Variants in MORN1 observed in about 807,000 individuals in gnomAD.
MORN1 encodes MORN repeat containing 1.
Under a neutral mutation model 61.9 loss-of-function variants are expected in MORN1, and 67 were observed. The ratio of observed to expected loss-of-function variants is 1.08; its 90% CI spans 0.89 to 1.33. MORN1 has a LOEUF of 1.33. Among genes scored for constraint, MORN1 ranks in the 40% most tolerant of loss-of-function variants. The pLI, the probability that MORN1 is intolerant of heterozygous loss-of-function variation, is 0.00. For missense variants in MORN1, 752 were observed against 691.2 expected (o/e 1.09, Z -0.99); for synonymous variants, 301 against 292.0 (o/e 1.03, Z -0.31).
At chr1:2,389,641 C>T (rs1413533397) in intron 2 of MORN1, among the ~76,000 whole-genome samples, 2 of 152,206 alleles carry the variant, frequency 1.3e-5, no homozygotes, top group African/African-American at 4.8e-5. Flanking sequence ...AGGAAATAAA[C>T]CATAAAGCCA....
chr1:2,385,469 C>G, intron 5 of MORN1: 1 of 400,522 alleles, frequency 2.5e-6, no homozygotes, highest in South Asian at 3.0e-5. Flanking sequence ...CGGAGAGCAC[C>G]CCCATCCTCA....
chr1:2,350,539 T>G (rs1039063), intron 10 of MORN1: 78,941 of 152,000 alleles, frequency 0.52, 21,219 homozygotes, highest in Admixed American at 0.65. Flanking sequence ...TTTGTGGGGG[T>G]TGAGTGTGAG....
At chr1:2,391,260 G>A (rs1353543234) in intron 1 of MORN1, among the ~76,000 whole-genome samples, 198 bp downstream of exon 1, 2 of 152,176 alleles carry the variant, frequency 1.3e-5, no homozygotes, top group Non-Finnish European at 2.9e-5. Flanking sequence ...GGAGGGCTCG[G>A]GGAAGGGTGC....
At chr1:2,373,842 G>GT (rs1642177048) in intron 7 of MORN1, among the ~76,000 whole-genome samples, 1 of 152,324 alleles carries the variant, frequency 6.6e-6, no homozygotes, top group East Asian at 1.9e-4. Context: ...ACAGGTCTTG[G>GT]TCCCCCAAGG....
At position 2,372,315 on chromosome 1, in the gene MORN1, A is replaced by G. The variant is rs1462105473; in HGVS notation, c.745+166T>C. On this transcript the variant is annotated intron_variant, in intron 8 of 13. Coordinates refer to ENST00000378531, the MANE Select transcript of MORN1 (RefSeq NM_024848.3). The surrounding 1 kb of genome is among the most constrained non-coding windows in gnomAD (Gnocchi z 5.4). ...CACACCCAAGGCTGCCCTGACTGGC[A>G]GGGAAGCTGGCACACCTGCGACCTC... 2.4e-5 allele frequency: 14 copies of G among 595,190 alleles called. No individual in the cohort carries two copies. Among genetic ancestry groups the G allele is most frequent in the Non-Finnish European group, 3.9e-5 (13 of 333,498 alleles). The allele number at this position is 595,190 out of a possible 1,614,324, so 36.9% of individuals were successfully genotyped here.
chr1:2,385,847 G>A lies in MORN1; in HGVS notation c.409C>T (p.His137Tyr), dbSNP rs1465219409. Residue 137 changes from histidine (H) to tyrosine (Y), a missense_variant, in exon 5 of 14, where the codon CAT becomes TAT. Coordinates refer to ENST00000378531, the MANE Select transcript of MORN1 (RefSeq NM_024848.3). ...RDGQVYQGSF[H>Y]DNKRHGPGQM... ...CCAGGGCCGTGCCTCTTGTTGTCAT[G>A]GAAGGAGCCCTGGTACACTTGTCCA... 1 of 1,613,940 alleles carries A rather than the reference G, an allele frequency of 6.2e-7. No homozygotes were observed. Among genetic ancestry groups the A allele is most frequent in the East Asian group, 2.2e-5 (1 of 44,886 alleles).
chr1:2,339,017 G>A (rs1193794203), intron 10 of MORN1, among the ~76,000 whole-genome samples: 1 of 152,198 alleles, frequency 6.6e-6, no homozygotes, highest in Non-Finnish European at 1.5e-5. Context: ...GGTTCCTTGA[G>A]CCTGTGTGGG....
At chr1:2,348,626 C>T (rs1363501078) in intron 10 of MORN1, among the ~76,000 whole-genome samples, 1 of 151,866 alleles carries the variant, frequency 6.6e-6, no homozygotes, top group Non-Finnish European at 1.5e-5. Flanking sequence ...CAGGCACGCA[C>T]GCACACACGC....
chr1:2,372,021 CAT>C lies in MORN1; in HGVS notation c.745+458_745+459del, dbSNP rs961467205. 1.1e-4 allele frequency: 19 copies of C among 176,084 alleles called. No homozygotes were observed. The highest frequency in any genetic ancestry group is 4.9e-4 in the South Asian group (4 of 8,128). The allele number at this position is 176,084 out of a possible 1,614,324, so 10.9% of individuals were successfully genotyped here. On this transcript the variant is annotated intron_variant, in intron 8 of 13. Transcript: ENST00000378531. This position sits in a 1 kb window ranked among gnomAD's most constrained non-coding sequence, Gnocchi z 5.4. ...ACATTCACACAAAAACTTGTATACACATGTCCACAGCAGCACTATTCATAACA... is the reference window on the plus strand; with the variant it reads ...ACATTCACACAAAAACTTGTATACACGTCCACAGCAGCACTATTCATAACA...
intron 8 of MORN1, among the ~76,000 whole-genome samples, 173 bp from the exon 9 acceptor site, chr1:2,358,888 C>T (rs1641834210): frequency 6.6e-6 from 1 of 152,176 alleles, no homozygotes; most frequent in African/African-American, 2.4e-5. Flanking sequence ...GGGCTCTCTG[C>T]TCCTCTCCCA....
At chr1:2,376,976 G>C (rs936883854) in intron 6 of MORN1, 1 of 152,208 alleles carries the variant, frequency 6.6e-6, no homozygotes. Context: ...GACACTGAGA[G>C]TCCTGGAGCA....
chr1:2,354,473 G>A (rs1422310642), intron 10 of MORN1, among the ~76,000 whole-genome samples: 2 of 152,148 alleles, frequency 1.3e-5, no homozygotes, highest in Non-Finnish European at 2.9e-5. Context: ...AGGCTGAGGT[G>A]GGAGGATCAC....
At position 2,336,543 on chromosome 1, in the gene MORN1, T is replaced by C. The variant is rs759667688; in HGVS notation, c.1176A>G (p.Ala392=). 6.2e-7 allele frequency: 1 copy of C among 1,612,740 alleles called. No individual in the cohort carries two copies. Among genetic ancestry groups the C allele is most frequent in the East Asian group, 2.2e-5 (1 of 44,884 alleles). The change falls in exon 12 of 14, where the codon GCA becomes GCG. Residue 392 remains alanine (A), a synonymous_variant. Coordinates refer to ENST00000378531, the MANE Select transcript of MORN1 (RefSeq NM_024848.3). ...GCAGGCCGCCTCTGGATCTGCCGCC[T>C]GCCTTCTAGAAAGATTGGGCAGGAG... ...FLFLDSLHKK[A]GGRSRGGLHP...
intron 6 of MORN1, among the ~76,000 whole-genome samples, chr1:2,382,872 G>A (rs1003454093): frequency 3.9e-5 from 6 of 152,166 alleles, no homozygotes; most frequent in African/African-American, 9.7e-5. Context: ...GGCAGACCCC[G>A]GAGTGGGTAT....
chr1:2,380,137 G>A (rs541884415), intron 6 of MORN1, among the ~76,000 whole-genome samples: 61 of 152,312 alleles, frequency 4.0e-4, no homozygotes, highest in African/African-American at 1.4e-3. Context: ...AACAAGCCTG[G>A]CACGAAAGGA....
At chr1:2,369,565 A>G (rs1386326400) in intron 8 of MORN1, among the ~76,000 whole-genome samples, 1 of 152,134 alleles carries the variant, frequency 6.6e-6, no homozygotes, top group Non-Finnish European at 1.5e-5. Flanking sequence ...AGAAACTAGT[A>G]GAACTAATAA....
intron 10 of MORN1, chr1:2,355,607 C>A: frequency 1.2e-6 from 1 of 816,356 alleles, no homozygotes; most frequent in South Asian, 1.6e-5. Context: ...CATTCCGCTG[C>A]CGCTTTCTCC....
chr1:2,364,756 T>A (rs1641964796), intron 8 of MORN1, among the ~76,000 whole-genome samples: 1 of 152,040 alleles, frequency 6.6e-6, no homozygotes, highest in Admixed American at 6.6e-5. Context: ...AAGGAAGGGA[T>A]CTAGTTTCAG....
In MORN1 at chr1:2,357,999, G is replaced by C. The variant is rs1003240198; in HGVS notation, c.870-401C>G. Among the ~76,000 whole-genome samples, 14 of 152,162 alleles carry C rather than the reference G, an allele frequency of 9.2e-5. No homozygotes were observed. Among genetic ancestry groups the C allele is most frequent in the Admixed American group, 9.2e-4 (14 of 15,268 alleles). On this transcript the variant is annotated intron_variant, in intron 9 of 13. Coordinates refer to ENST00000378531, the MANE Select transcript of MORN1 (RefSeq NM_024848.3). The surrounding 1 kb of genome is among the most constrained non-coding windows in gnomAD (Gnocchi z 6.3). ...TGTGGCGTCACACTCAGGTCTGGTC[G>C]CCTGGGGCACTGCTAAGTTCTGACT... is the stretch of plus-strand genomic sequence containing the variant.
Sources: allele counts gnomAD v4.1 joint callset (sites outside exome capture counted in the v4.1 genomes callset), GRCh38; gene constraint gnomAD v4.1.1; non-coding constraint Gnocchi (gnomAD v3.1); transcripts MANE v1.5; gene names NCBI Gene and HGNC (gene_info 2026-07-23, HGNC 2026-07-21).